SMIM36: variants seen among roughly 807,000 people sequenced by gnomAD.
SMIM36 encodes the protein small integral membrane protein 36.
chr17:55,493,547 A>G (rs1456930262), intron 1 of SMIM36, among the ~76,000 whole-genome samples: 1 of 152,138 alleles, frequency 6.6e-6, no homozygotes, highest in African/African-American at 2.4e-5. Context: ...TGGTGGCTCA[A>G]GCCTGTAATC....
intron 4 of SMIM36, among the ~76,000 whole-genome samples, chr17:55,454,820 G>T (rs1250251651): frequency 1.3e-5 from 2 of 152,182 alleles, no homozygotes; most frequent in Non-Finnish European, 2.9e-5. Context: ...TCTTCACGAT[G>T]CATCATAAAT....
chr17:55,525,952 C>A, the SMIM36 span, among the ~76,000 whole-genome samples: 2 of 151,930 alleles, frequency 1.3e-5, no homozygotes, highest in Non-Finnish European at 2.9e-5. Flanking sequence ...GCCACCACAC[C>A]AATTACAGAG....
At chr17:55,478,238 C>CTT (rs558302368) in intron 3 of SMIM36, among the ~76,000 whole-genome samples, 1 of 143,172 alleles carries the variant, frequency 7.0e-6, no homozygotes, top group Non-Finnish European at 1.5e-5. Context: ...GAGGTTATTC[C>CTT]TTTTTTTTTT....
chr17:55,530,431 G>A, the SMIM36 span, among the ~76,000 whole-genome samples: 1 of 152,190 alleles, frequency 6.6e-6, no homozygotes, highest in Non-Finnish European at 1.5e-5. Context: ...TTTAGCAACT[G>A]GGATGGGAAT....
At position 55,484,068 on chromosome 17, in the gene SMIM36, G is replaced by A. The variant is rs115965799; in HGVS notation, c.*175-4488C>T. ...TATGAGGATAATTTATTTTATAAAT[G>A]TATTTAAGCTTAGCATATAAGAACC... is the stretch of plus-strand genomic sequence containing the variant. On this transcript the variant is annotated intron_variant, in intron 1 of 4. Transcript: ENST00000636752. 9.3e-3 allele frequency among the ~76,000 whole-genome samples: 1,417 copies of A among 152,056 alleles called. 18 individuals carry two copies. The highest frequency in any genetic ancestry group is 0.032 in the African/African-American group (1,320 of 41,434).
At chr17:55,486,155 C>T (rs1352597477) in intron 1 of SMIM36, among the ~76,000 whole-genome samples, 2 of 151,846 alleles carry the variant, frequency 1.3e-5, no homozygotes, top group Admixed American at 6.6e-5. Context: ...CTGCCTCAGC[C>T]TCCCAAGTAG....
chr17:55,477,939 A>G (rs1909452903), intron 3 of SMIM36, among the ~76,000 whole-genome samples: 1 of 152,010 alleles, frequency 6.6e-6, no homozygotes, highest in Non-Finnish European at 1.5e-5. Context: ...GTTACCAAGG[A>G]AGCTGGGAAA....
chr17:55,464,288 C>T (rs913289548), intron 4 of SMIM36, among the ~76,000 whole-genome samples: 1 of 152,064 alleles, frequency 6.6e-6, no homozygotes, highest in Admixed American at 6.6e-5. Flanking sequence ...GAGCCCTGTG[C>T]CATGTGATGG....
chr17:55,511,036 G>A (rs1039768), exon 1 of SMIM36: 216,597 of 397,874 alleles, frequency 0.54, 61,137 homozygotes, highest in African/African-American at 0.79. Flanking sequence ...TCTCTCCCCA[G>A]TGTCCCTTAG....
intron 1 of SMIM36, among the ~76,000 whole-genome samples, chr17:55,489,242 G>A (rs1909660275): frequency 1.3e-5 from 2 of 152,106 alleles, no homozygotes; most frequent in African/African-American, 4.8e-5. Flanking sequence ...GCTAAGCGTG[G>A]TGGTGCATGC....
intron 4 of SMIM36, among the ~76,000 whole-genome samples, chr17:55,463,115 C>T (rs1434458398): frequency 6.6e-6 from 1 of 152,126 alleles, no homozygotes; most frequent in East Asian, 1.9e-4. Context: ...ACCCCTTATC[C>T]TCAGGGGTAT....
chr17:55,474,689 G>A (rs1909400228), intron 3 of SMIM36, among the ~76,000 whole-genome samples: 1 of 152,154 alleles, frequency 6.6e-6, no homozygotes, highest in Non-Finnish European at 1.5e-5. Context: ...CTGGTTTGGT[G>A]TAAGCTGAAA....
At chr17:55,521,392 G>T in the SMIM36 span, among the ~76,000 whole-genome samples, 2 of 152,276 alleles carry the variant, frequency 1.3e-5, no homozygotes, top group South Asian at 2.1e-4. Flanking sequence ...TCCCTGGTCT[G>T]CTTTCCTTTC....
At chr17:55,494,899 G>A (rs1221801168) in intron 1 of SMIM36, among the ~76,000 whole-genome samples, 1 of 152,174 alleles carries the variant, frequency 6.6e-6, no homozygotes, top group African/African-American at 2.4e-5. Flanking sequence ...TTTAGAGAAC[G>A]AGCTTCAGAG....
chr17:55,473,153 A>G (rs1206503563), intron 3 of SMIM36, among the ~76,000 whole-genome samples: 3 of 152,080 alleles, frequency 2.0e-5, no homozygotes, highest in Non-Finnish European at 4.4e-5. Context: ...TCCATGTGGG[A>G]TACCAGCCTC....
chr17:55,510,965 A>G (rs1445270615), exon 1 of SMIM36: 8 of 397,290 alleles, frequency 2.0e-5, no homozygotes, highest in Non-Finnish European at 3.5e-5. Flanking sequence ...AGCGGGATAC[A>G]TGTGCTGAGA....
the SMIM36 span, among the ~76,000 whole-genome samples, chr17:55,516,750 G>A: frequency 1.3e-5 from 2 of 151,872 alleles, no homozygotes; most frequent in African/African-American, 4.8e-5. Context: ...AGCAGAGATG[G>A]GGTTTCACCA....
the SMIM36 span, among the ~76,000 whole-genome samples, chr17:55,524,486 G>T: frequency 6.6e-6 from 1 of 152,054 alleles, no homozygotes; most frequent in Non-Finnish European, 1.5e-5. Flanking sequence ...GCTCTTTGAG[G>T]AATCACCACA....
Position 55,461,511 on chromosome 17 carries a change from A to G in SMIM36, c.*531+5634T>C, listed in dbSNP as rs147273234. Among the ~76,000 whole-genome samples the G allele has an allele frequency of 8.8e-3, 1,340 of 152,308 alleles. 17 individuals are homozygous for G. Among genetic ancestry groups the G allele is most frequent in the African/African-American group, 0.03 (1,266 of 41,566 alleles). On this transcript the variant is annotated intron_variant, in intron 4 of 4. Coordinates refer to ENST00000636752, the Ensembl canonical transcript of SMIM36. ...AGAGGACTGATTATAGAGAAGCAGG[A>G]GAGTTGCTTGAGTCCAGGAGTGCCA...
Sources: gnomAD v4.1 joint callset for allele counts (sites outside exome capture counted in the v4.1 genomes callset) on GRCh38, gnomAD v4.1.1 for gene constraint, MANE v1.5 for transcripts, NCBI Gene and HGNC (gene_info 2026-07-23, HGNC 2026-07-21) for gene names.